Variants in OR9Q1 observed in about 807,000 individuals in gnomAD.
The protein encoded by OR9Q1 is olfactory receptor 9Q1.
For missense variants in OR9Q1, 374 were observed against 378.8 expected (o/e 0.99, Z 0.11); for synonymous variants, 153 against 148.6 (o/e 1.03, Z -0.22).
At chr11:58,115,794 G>A (rs1348471411) in intron 2 of OR9Q1, among the ~76,000 whole-genome samples, 1 of 152,094 alleles carries the variant, frequency 6.6e-6, no homozygotes, top group Non-Finnish European at 1.5e-5. Flanking sequence ...AATGAATACA[G>A]TTTAATAAAA....
At chr11:58,092,487 T>C (rs1358679611) in intron 2 of OR9Q1, among the ~76,000 whole-genome samples, 1 of 152,126 alleles carries the variant, frequency 6.6e-6, no homozygotes, top group Non-Finnish European at 1.5e-5. Context: ...GAAAAAATGA[T>C]TGTTGCTATC....
At chr11:58,128,630 C>A (rs542900441) in intron 2 of OR9Q1, among the ~76,000 whole-genome samples, 15 of 151,918 alleles carry the variant, frequency 9.9e-5, no homozygotes, top group African/African-American at 1.7e-4. Context: ...GGGAAATTTA[C>A]TTAACATTAA....
chr11:58,066,849 G>A (rs1234408960), intron 2 of OR9Q1, among the ~76,000 whole-genome samples: 3 of 152,082 alleles, frequency 2.0e-5, no homozygotes, highest in East Asian at 1.9e-4. Context: ...AGGAGAGGCC[G>A]GGGGTCTCCA....
chr11:58,037,782 G>A lies in OR9Q1; in HGVS notation c.-93+13678G>A, dbSNP rs797012543. ...CGCCCAGGCTGGGATGCAGTGGCGC[G>A]ATCTCGGCTCACTGCAAGCTCTGCC... On this transcript the variant is annotated intron_variant, in intron 1 of 2. Coordinates refer to ENST00000335397, the MANE Select transcript of OR9Q1 (RefSeq NM_001005212.4). Among the ~76,000 whole-genome samples the A allele has an allele frequency of 2.7e-4, 34 of 127,878 alleles. 1 individual carries two copies. Among genetic ancestry groups the A allele is most frequent in the African/African-American group, 9.4e-4 (31 of 33,128 alleles). The allele number at this position is 127,878 out of a possible 152,430, so 83.9% of individuals were successfully genotyped here. A position where few individuals can be genotyped will look rare whatever the true frequency, so the allele number is the denominator to read the frequency against.
intron 2 of OR9Q1, among the ~76,000 whole-genome samples, chr11:58,114,308 A>T (rs1268574773): frequency 6.6e-6 from 1 of 152,218 alleles, no homozygotes; most frequent in Non-Finnish European, 1.5e-5. Flanking sequence ...TTTTGTCTAC[A>T]TCACCTAAGA....
chr11:58,106,639 A>T (rs1408525737), intron 2 of OR9Q1, among the ~76,000 whole-genome samples: 2 of 152,122 alleles, frequency 1.3e-5, no homozygotes, highest in Non-Finnish European at 2.9e-5. Context: ...TCTTACATTT[A>T]AGTTTTTAAT....
chr11:58,177,709 GT>G (rs1365160307), intron 2 of OR9Q1, among the ~76,000 whole-genome samples: 1 of 152,118 alleles, frequency 6.6e-6, no homozygotes, highest in African/African-American at 2.4e-5. Context: ...GGCATTTTCT[GT>G]TTTTAAACAC....
chr11:58,057,822 C>A (rs1325835568), intron 2 of OR9Q1: 1 of 152,136 alleles, frequency 6.6e-6, no homozygotes, highest in Non-Finnish European at 1.5e-5. Context: ...AGCGTCACAC[C>A]ACCTGGAGAA....
At chr11:58,038,185 T>A (rs1853127200) in intron 1 of OR9Q1, among the ~76,000 whole-genome samples, 1 of 152,114 alleles carries the variant, frequency 6.6e-6, no homozygotes, top group South Asian at 2.1e-4. Flanking sequence ...GTGAATGTGA[T>A]TATTTACATT....
intron 2 of OR9Q1, among the ~76,000 whole-genome samples, chr11:58,176,468 C>T (rs1261491151): frequency 6.6e-6 from 1 of 152,216 alleles, no homozygotes; most frequent in Non-Finnish European, 1.5e-5. Context: ...TTATTAGTGT[C>T]TTCTCCAAAG....
chr11:58,119,124 A>G (rs1055192402), intron 2 of OR9Q1: 6 of 1,614,022 alleles, frequency 3.7e-6, no homozygotes, highest in Non-Finnish European at 5.1e-6. Flanking sequence ...CTGTGCCTGC[A>G]CAGATGGTGA....
At chr11:58,176,718 G>GCA (rs977342117) in intron 2 of OR9Q1, among the ~76,000 whole-genome samples, 3 of 152,282 alleles carry the variant, frequency 2.0e-5, no homozygotes, top group Admixed American at 6.5e-5. Flanking sequence ...CCATATTGAT[G>GCA]CACACATTGT....
intron 2 of OR9Q1, chr11:58,118,570 A>G: frequency 1.9e-6 from 3 of 1,613,900 alleles, no homozygotes; most frequent in Non-Finnish European, 2.5e-6. Flanking sequence ...TTTGTTTCTT[A>G]AGCTGTAGAT....
At chr11:58,127,237 A>G (rs1290231662) in intron 2 of OR9Q1, among the ~76,000 whole-genome samples, 1 of 152,152 alleles carries the variant, frequency 6.6e-6, no homozygotes, top group Non-Finnish European at 1.5e-5. Context: ...GGCATGAGCC[A>G]CCGTGCCCGG....
intron 2 of OR9Q1, among the ~76,000 whole-genome samples, chr11:58,067,620 C>T (rs55674201): frequency 0.026 from 3,968 of 152,278 alleles, 69 homozygotes; most frequent in East Asian, 0.051. Flanking sequence ...CCTCAGAAGG[C>T]CAGTATTGGG....
chr11:58,154,731 A>G (rs1456661560), intron 2 of OR9Q1, among the ~76,000 whole-genome samples: 2 of 152,226 alleles, frequency 1.3e-5, no homozygotes, highest in Non-Finnish European at 1.5e-5. Context: ...AATGTGTACA[A>G]TTATTATATA....
At chr11:58,111,683 T>TC (rs748500437) in intron 2 of OR9Q1, among the ~76,000 whole-genome samples, 18 of 152,148 alleles carry the variant, frequency 1.2e-4, no homozygotes, top group Non-Finnish European at 2.2e-4. Flanking sequence ...AAAACATGGC[T>TC]CATGCCTTCA....
chr11:58,130,421 C>T (rs560647645), intron 2 of OR9Q1, among the ~76,000 whole-genome samples: 1 of 152,208 alleles, frequency 6.6e-6, no homozygotes, highest in African/African-American at 2.4e-5. Flanking sequence ...GCAAACATTT[C>T]CCTTCCTACA....
intron 1 of OR9Q1, among the ~76,000 whole-genome samples, chr11:58,048,954 A>G (rs1407440760): frequency 2.5e-5 from 1 of 39,558 alleles, no homozygotes; most frequent in Non-Finnish European, 4.9e-5. Flanking sequence ...GCAATAATCA[A>G]TAGTTTACCA....
Sources: gnomAD v4.1 joint callset for allele counts (sites outside exome capture counted in the v4.1 genomes callset) on GRCh38, gnomAD v4.1.1 for gene constraint, MANE v1.5 for transcripts, NCBI Gene and HGNC (gene_info 2026-07-23, HGNC 2026-07-21) for gene names.